PHF12: variants seen among roughly 807,000 people sequenced by gnomAD.
PHF12 encodes the protein PHD finger protein 12.
Under a neutral mutation model 99.8 loss-of-function variants are expected in PHF12, and 6 were observed. The observed-to-expected ratio is 0.06, with a 90% CI of 0.03 to 0.12. The LOEUF (loss-of-function observed/expected upper bound fraction) is 0.12. PHF12 is among the 10% of genes least tolerant of loss of function. The pLI is 1.00. For synonymous variants in PHF12, 480 were observed against 514.9 expected, an observed-to-expected ratio of 0.93 and a Z score of 0.92; for missense variants, 954 against 1,300.1, an observed-to-expected ratio of 0.73 and a Z score of 4.09.
chr17:28,933,366 A>G (rs905315923), intron 2 of PHF12, among the ~76,000 whole-genome samples: 1 of 152,250 alleles, frequency 6.6e-6, no homozygotes, highest in African/African-American at 2.4e-5. Context: ...CTTCACTACC[A>G]TACTGTGAGA....
Position 28,950,477 on chromosome 17 carries a change from G to A in PHF12, c.67-231C>T, listed in dbSNP as rs1040863079. On this transcript the variant is annotated intron_variant, in intron 1 of 14. Transcript: ENST00000332830. This position sits in a 1 kb window ranked among gnomAD's most constrained non-coding sequence, Gnocchi z 5.7. ...CTTCTTCCAAATGGGGAGGATCAAGGGTAGGGGGATGGGAAGAGGGTGCGC... is the reference window on the plus strand; with the variant it reads ...CTTCTTCCAAATGGGGAGGATCAAGAGTAGGGGGATGGGAAGAGGGTGCGC... 33 of 586,548 alleles carry A rather than the reference G, an allele frequency of 5.6e-5. No individual in the cohort carries two copies. Among genetic ancestry groups the A allele is most frequent in the Admixed American group, 9.2e-5 (3 of 32,488 alleles). The allele number at this position is 586,548 out of a possible 1,614,324, so 36.3% of individuals were successfully genotyped here.
chr17:28,911,199 C>A lies in PHF12; in HGVS notation c.2128G>T (p.Ala710Ser). The A allele has an allele frequency of 6.2e-7, 1 of 1,614,130 alleles. No homozygotes were observed. The highest frequency in any genetic ancestry group is 8.5e-7 in the Non-Finnish European group (1 of 1,180,010). ...VSPGTLSIGS[A>S]LTVPSFPANS... ...GCTGGGAAAGAGGGTACGGTTAAAG[C>A]GCTTCCTATGGATAACGTGCCGGGG... The change falls in exon 10 of 15, where the codon GCT becomes TCT. Residue 710 changes from alanine (A) to serine (S), a missense_variant. By Grantham distance (99) the Ala-to-Ser change is moderately conservative. Around this residue, in one of 8 missense-constraint regions of PHF12, gnomAD observed 143 missense variants for 191.8 expected, o/e 0.75. Transcript: ENST00000332830.
chr17:28,948,085 AACAG>A (rs2040748900), intron 2 of PHF12, among the ~76,000 whole-genome samples: 2 of 152,230 alleles, frequency 1.3e-5, no homozygotes, highest in African/African-American at 2.4e-5. Flanking sequence ...TCTCAGGCAA[AACAG>A]ACAGCACACT....
intron 12 of PHF12, chr17:28,908,475 C>T: frequency 3.2e-6 from 1 of 310,642 alleles, no homozygotes. Flanking sequence ...CATGTTAGCC[C>T]AGCTAATTTT....
At position 28,914,153 on chromosome 17, in the gene PHF12, C is replaced by CT. The variant is rs1298306991; in HGVS notation, c.1135-117dup. The CT allele has an allele frequency of 4.3e-6, 5 of 1,153,682 alleles. No individual in the cohort carries two copies. In the African/African-American group the frequency reaches 7.8e-5, roughly 18 times the overall value. 71.5% of individuals were successfully genotyped at this position (1,153,682 alleles called of 1,614,324 possible). On this transcript the variant is annotated intron_variant, in intron 7 of 14. Transcript: ENST00000332830. The stretch of plus-strand genomic sequence containing the variant: ...GCTGGTGCTCAAGGGACCATCCACT[C>CT]TGGGGTCTGCTGAGGAAAAGGAGGC...
chr17:28,947,563 G>A (rs1342917791), intron 2 of PHF12, among the ~76,000 whole-genome samples: 1 of 151,998 alleles, frequency 6.6e-6, no homozygotes, highest in Non-Finnish European at 1.5e-5. Context: ...GGGTGACAAA[G>A]CGAAGACGCC....
At chr17:28,917,080 G>A (rs1192929486) in intron 7 of PHF12, among the ~76,000 whole-genome samples, 2 of 152,284 alleles carry the variant, frequency 1.3e-5, no homozygotes, top group South Asian at 2.1e-4. Context: ...GGTAGACTTC[G>A]AAGGCTAACT....
At chr17:28,926,495 G>C in intron 3 of PHF12, 1 of 265,170 alleles carries the variant, frequency 3.8e-6, no homozygotes, top group Non-Finnish European at 7.6e-6. Flanking sequence ...AATAAACCAT[G>C]TTCTTGAAGC....
At chr17:28,921,619 G>A (rs2040167443) in intron 5 of PHF12, 69 bp downstream of exon 5, 2 of 1,550,300 alleles carry the variant, frequency 1.3e-6, no homozygotes, top group Admixed American at 1.7e-5. Flanking sequence ...TGGTCTGGAA[G>A]AGGTGATGAG....
intron 12 of PHF12, 71 bp downstream of exon 12, chr17:28,908,712 C>G: frequency 6.7e-7 from 1 of 1,483,596 alleles, no homozygotes; most frequent in East Asian, 2.3e-5. Flanking sequence ...TTTCTAACTT[C>G]TGTGGGTAAG....
chr17:28,925,289 C>T (rs1184355767), intron 3 of PHF12: 1 of 152,186 alleles, frequency 6.6e-6, no homozygotes, highest in Non-Finnish European at 1.5e-5. Flanking sequence ...AATCTTTCTC[C>T]TCCTCCTCTC....
chr17:28,911,093 C>T lies in PHF12; in HGVS notation c.2215+19G>A. The T allele has an allele frequency of 6.2e-7, 1 of 1,613,964 alleles. No homozygotes were observed. Among genetic ancestry groups the T allele is most frequent in the Non-Finnish European group, 8.5e-7 (1 of 1,179,910 alleles). On this transcript the variant is annotated intron_variant, in intron 10 of 14. Coordinates refer to ENST00000332830, the MANE Select transcript of PHF12 (RefSeq NM_001033561.2). ...TTCAACATAGCAAACGGTGGAACAGCAGCAGCTCATTCACTCACCTCCATT... is the reference window on the plus strand; with the variant it reads ...TTCAACATAGCAAACGGTGGAACAGTAGCAGCTCATTCACTCACCTCCATT...
At position 28,912,531 on chromosome 17, in the gene PHF12, G is replaced by C. The variant is rs139457330; in HGVS notation, c.2040C>G (p.Ile680Met). The C allele has an allele frequency of 6.2e-7, 1 of 1,612,062 alleles. No homozygotes were observed. The highest frequency in any genetic ancestry group is 1.1e-5 in the South Asian group (1 of 91,002). ...LTPPQAAGDGILATTANQRFS... is the reference protein window; with the variant it reads ...LTPPQAAGDGMLATTANQRFS... ...ATCGTTGGTTGGCTGTTGTGGCCAA[G>C]ATACCATCTCCTGCTGCTTGCGGGG... The change falls in exon 9 of 15, where the codon ATC becomes ATG. Residue 680 changes from isoleucine (I) to methionine (M), a missense_variant. Ile to Met is a conservative substitution (Grantham distance 10, BLOSUM62 1). Transcript: ENST00000332830.
intron 2 of PHF12, among the ~76,000 whole-genome samples, chr17:28,942,014 GA>G (rs1343472355): frequency 1.7e-4 from 26 of 152,168 alleles, no homozygotes; most frequent in African/African-American, 6.0e-4. Flanking sequence ...TCTAAAGGCA[GA>G]TGGTGGATTT....
intron 6 of PHF12, among the ~76,000 whole-genome samples, 156 bp downstream of exon 6, chr17:28,918,987 T>C (rs940796171): frequency 6.6e-6 from 1 of 152,178 alleles, no homozygotes; most frequent in East Asian, 1.9e-4. Flanking sequence ...CTGAAATATG[T>C]CAAAATGATC....
chr17:28,915,734 AGT>A lies in PHF12; in HGVS notation c.1134+1549_1134+1550del. Among the ~76,000 whole-genome samples the A allele has an allele frequency of 3.9e-5, 6 of 152,362 alleles. 1 individual carries two copies. The highest frequency in any genetic ancestry group is 3.9e-4 in the Admixed American group (6 of 15,312). ...GATTTTTCCTGAATTGCTAGAATCA[AGT>A]GTAAAGGCTAATGTTCCAGGAGAGA... is the stretch of plus-strand genomic sequence containing the variant. On this transcript the variant is annotated intron_variant, in intron 7 of 14. Transcript: ENST00000332830.
At chr17:28,916,687 C>T (rs935393833) in intron 7 of PHF12, among the ~76,000 whole-genome samples, 1 of 152,174 alleles carries the variant, frequency 6.6e-6, no homozygotes, top group African/African-American at 2.4e-5. Context: ...TCACTACCAC[C>T]AAATGCTTTT....
At chr17:28,908,398 A>G in intron 12 of PHF12, 1 of 194,018 alleles carries the variant, frequency 5.2e-6, no homozygotes, top group Non-Finnish European at 1.1e-5. Flanking sequence ...AAAAAGGATC[A>G]CTGCCTGGAC....
Position 28,950,981 on chromosome 17 carries a change from G to A in PHF12, c.-21C>T, listed in dbSNP as rs762749451. 5.0e-6 allele frequency: 8 copies of A among 1,613,620 alleles called. No homozygotes were observed. Among genetic ancestry groups the A allele is most frequent in the East Asian group, 4.5e-5 (2 of 44,846 alleles). On this transcript the variant is annotated 5_prime_UTR_variant, in exon 1 of 15. Coordinates refer to ENST00000332830, the MANE Select transcript of PHF12 (RefSeq NM_001033561.2). This position sits in a 1 kb window ranked among gnomAD's most constrained non-coding sequence, Gnocchi z 5.7. ...CACATTCATCCACCTCCCGGGCTGG[G>A]TGCTCTCTGCTCCGGCCCCCCCAAC... is the stretch of plus-strand genomic sequence containing the variant.
Sources: allele counts gnomAD v4.1 joint callset (sites outside exome capture counted in the v4.1 genomes callset), GRCh38; gene constraint gnomAD v4.1.1; regional missense constraint gnomAD v4.1.1; non-coding constraint Gnocchi (gnomAD v3.1); transcripts MANE v1.5; gene names NCBI Gene and HGNC (gene_info 2026-07-23, HGNC 2026-07-21).